Variants in TPR observed in about 807,000 individuals in gnomAD.
The protein encoded by TPR is nucleoprotein TPR.
TPR carries 51 observed loss-of-function variants against 316.1 expected under a neutral mutation model. The ratio of observed to expected loss-of-function variants is 0.16; its 90% CI spans 0.13 to 0.20. TPR has a LOEUF of 0.20. Among genes scored for constraint, TPR ranks in the 10% least tolerant of loss-of-function variants. TPR has a pLI of 1.00. For synonymous variants in TPR, 981 were observed against 914.7 expected (o/e 1.07, Z -1.31); for missense variants, 2,272 against 2,754.8 (o/e 0.82, Z 3.92).
At position 186,335,392 on chromosome 1, in the gene TPR, C is replaced by T. The variant is rs1658309097; in HGVS notation, c.4857G>A (p.Glu1619=). ...RISRLERELR[E]HQERHLEQRD... The stretch of plus-strand genomic sequence containing the variant: ...TCTGCTCAAGGTGTCTCTCTTGATG[C>T]TCCCTGAGTTCTCTTTCCAAGCGAC... The change falls in exon 34 of 51, where the codon GAG becomes GAA. Residue 1619 remains glutamate (E), a synonymous_variant. Transcript: ENST00000367478. 1 of 1,613,676 alleles carries T rather than the reference C, an allele frequency of 6.2e-7. No individual in the cohort carries two copies. The highest frequency in any genetic ancestry group is 1.7e-5 in the Admixed American group (1 of 59,968).
intron 21 of TPR, among the ~76,000 whole-genome samples, chr1:186,348,938 T>C (rs571426364): frequency 1.3e-5 from 2 of 152,324 alleles, no homozygotes; most frequent in Admixed American, 6.5e-5. Context: ...TAGATAATTA[T>C]ACACCCATTA....
chr1:186,337,324 T>C (rs1276639798), intron 31 of TPR, among the ~76,000 whole-genome samples, 168 bp from the exon 32 acceptor site: 1 of 152,216 alleles, frequency 6.6e-6, no homozygotes, highest in African/African-American at 2.4e-5. Flanking sequence ...AATGGGGAAC[T>C]AGTTATGGTT....
At chr1:186,354,975 C>G (rs937610692) in intron 17 of TPR, among the ~76,000 whole-genome samples, 2 of 152,160 alleles carry the variant, frequency 1.3e-5, no homozygotes, top group Non-Finnish European at 2.9e-5. Flanking sequence ...CCAATCTTGG[C>G]TCACCGCAAC....
intron 50 of TPR, chr1:186,314,400 GAAATCAAT>G (rs1471048157): frequency 2.8e-6 from 1 of 355,894 alleles, no homozygotes; most frequent in Non-Finnish European, 5.0e-6. Context: ...ATTTAAGGAA[GAAATCAAT>G]AAATATAAAA....
At chr1:186,373,942 T>A (rs1359053269) in intron 1 of TPR, among the ~76,000 whole-genome samples, 1 of 152,216 alleles carries the variant, frequency 6.6e-6, no homozygotes, top group Non-Finnish European at 1.5e-5. Context: ...GGATTGAATA[T>A]CATGTTCAGC....
At position 186,339,628 on chromosome 1, in the gene TPR, T is replaced by A. The variant is rs1425593502; in HGVS notation, c.4151+14A>T. On this transcript the variant is annotated intron_variant, in intron 30 of 50. Transcript: ENST00000367478. ...TTTTATATTATATATGATTTAAGGC[T>A]TCTTTCCATATACCTTGCAATTTCA... is the stretch of plus-strand genomic sequence containing the variant. The A allele has an allele frequency of 2.0e-6, 3 of 1,534,170 alleles. No individual in the cohort carries two copies. Among genetic ancestry groups the A allele is most frequent in the Non-Finnish European group, 2.6e-6 (3 of 1,145,774 alleles).
intron 33 of TPR, among the ~76,000 whole-genome samples, chr1:186,336,067 T>A (rs1044391113): frequency 6.6e-6 from 1 of 152,084 alleles, no homozygotes; most frequent in African/African-American, 2.4e-5. Context: ...AGGTTCTTCA[T>A]AAATTTGACA....
intron 24 of TPR, 100 bp downstream of exon 24, chr1:186,345,480 G>T: frequency 1.1e-6 from 1 of 928,486 alleles, no homozygotes; most frequent in South Asian, 1.7e-5. Flanking sequence ...AAATTATCTT[G>T]AATTTTTGTA....
At chr1:186,323,597 A>AAG (rs1018261043) in intron 43 of TPR, 89 bp downstream of exon 43, 25 of 1,245,042 alleles carry the variant, frequency 2.0e-5, no homozygotes, top group South Asian at 6.8e-5. Flanking sequence ...TAAAAAAACC[A>AAG]AGAGAGAGAG....
At chr1:186,330,595 C>T (rs1658129101) in intron 39 of TPR, among the ~76,000 whole-genome samples, 1 of 151,986 alleles carries the variant, frequency 6.6e-6, no homozygotes, top group African/African-American at 2.4e-5. Context: ...TAGCGTTTCC[C>T]CAAAACCTGC....
intron 36 of TPR, 85 bp downstream of exon 36, chr1:186,334,240 G>C: frequency 1.5e-6 from 2 of 1,322,500 alleles, no homozygotes; most frequent in Non-Finnish European, 2.1e-6. Flanking sequence ...TGTAGTGGAT[G>C]CTTCATTTGT....
At chr1:186,367,204 T>C (rs938299971) in intron 4 of TPR, among the ~76,000 whole-genome samples, 17 of 151,962 alleles carry the variant, frequency 1.1e-4, no homozygotes, top group African/African-American at 4.1e-4. Context: ...TAGCTGGGAT[T>C]ACAGGTGCGT....
intron 30 of TPR, among the ~76,000 whole-genome samples, chr1:186,338,810 G>T (rs879732637): frequency 6.6e-6 from 1 of 152,144 alleles, no homozygotes; most frequent in Non-Finnish European, 1.5e-5. Context: ...CCTGAATTAA[G>T]AGTATGGGTT....
In TPR at chr1:186,351,441, G is replaced by C; in HGVS notation, c.2499C>G (p.Thr833=). The change falls in exon 20 of 51, where the codon ACC becomes ACG. Residue 833 remains threonine (T), a synonymous_variant. Transcript: ENST00000367478. The part of the protein sequence containing the change: ...QGILERSETE[T]KQRLSSQIEK... Reference sequence around the variant, plus strand: ...CTATCTGGCTACTAAGCCTTTGTTTGGTTTCTGTTTCAGATCGCTCCAGTA... The same window carrying C: ...CTATCTGGCTACTAAGCCTTTGTTTCGTTTCTGTTTCAGATCGCTCCAGTA... 1 of 1,609,142 alleles carries C rather than the reference G, an allele frequency of 6.2e-7. No homozygotes were observed. The highest frequency in any genetic ancestry group is 8.5e-7 in the Non-Finnish European group (1 of 1,177,862).
At chr1:186,364,681 C>G (rs1659284779) in intron 4 of TPR, among the ~76,000 whole-genome samples, 2 of 152,104 alleles carry the variant, frequency 1.3e-5, no homozygotes, top group Admixed American at 1.3e-4. Context: ...AAAATGTCAA[C>G]AAAACTGAAG....
At chr1:186,356,872 G>A (rs1355446782) in intron 14 of TPR, among the ~76,000 whole-genome samples, 3 of 152,166 alleles carry the variant, frequency 2.0e-5, no homozygotes, top group African/African-American at 4.8e-5. Flanking sequence ...CCCACAGATA[G>A]GCACTAATCA....
chr1:186,356,002 T>C (rs1388004214), intron 15 of TPR, among the ~76,000 whole-genome samples: 1 of 152,240 alleles, frequency 6.6e-6, no homozygotes, highest in African/African-American at 2.4e-5. Context: ...TCCATATTTA[T>C]GTTTTATTAA....
chr1:186,327,715 A>G, intron 39 of TPR, 55 bp from the exon 40 acceptor site: 1 of 1,447,292 alleles, frequency 6.9e-7, no homozygotes, highest in Non-Finnish European at 9.6e-7. Context: ...CATACCTAAA[A>G]CTATATGTGA....
At chr1:186,369,393 T>C (rs975953629) in intron 3 of TPR, among the ~76,000 whole-genome samples, 1 of 152,180 alleles carries the variant, frequency 6.6e-6, no homozygotes, top group African/African-American at 2.4e-5. Context: ...GTATGGTATA[T>C]CTTTCCCATT....
Sources: allele counts gnomAD v4.1 joint callset (sites outside exome capture counted in the v4.1 genomes callset), GRCh38; gene constraint gnomAD v4.1.1; transcripts MANE v1.5; gene names NCBI Gene and HGNC (gene_info 2026-07-23, HGNC 2026-07-21).